The following PRRC1 variants were observed in gnomAD, a reference collection of about 807,000 sequenced individuals.
PRRC1 encodes protein PRRC1.
In PRRC1, 39 loss-of-function variants were observed where a neutral mutation model predicts 40.7. The observed-to-expected ratio is 0.96, with a 90% CI of 0.74 to 1.25. The LOEUF is 1.25. Ranked by LOEUF, PRRC1 falls within the 50% of genes most tolerant of loss-of-function variation. PRRC1 has a pLI of 0.00. For synonymous variants in PRRC1, 175 were observed against 193.3 expected, an observed-to-expected ratio of 0.91 and a Z score of 0.79; for missense variants, 573 against 548.3, an observed-to-expected ratio of 1.05 and a Z score of -0.45.
At chr5:127,547,797 G>A in intron 7 of PRRC1, 22 bp from the exon 8 acceptor site, 1 of 1,561,508 alleles carries the variant, frequency 6.4e-7, no homozygotes, top group Non-Finnish European at 8.8e-7. Context: ...TAAACCATTT[G>A]AAACTCGTAA....
chr5:127,553,503 A>T lies in PRRC1; in HGVS notation c.*1587A>T. 1 of 1,148,686 alleles carries T rather than the reference A, an allele frequency of 8.7e-7. No homozygotes were observed. Among genetic ancestry groups the T allele is most frequent in the Non-Finnish European group, 1.1e-6 (1 of 929,396 alleles). The allele number at this position is 1,148,686 out of a possible 1,614,324, so 71.2% of individuals were successfully genotyped here. On this transcript the variant is annotated 3_prime_UTR_variant, in exon 9 of 9. Transcript: ENST00000296666. ...TACTTTCTTTCTTTCCTTCAAGTAC[A>T]AGAAGGCTTTCTCTACCATTTGCGT...
In PRRC1 at chr5:127,553,537, T is replaced by C. The variant is rs1043685202; in HGVS notation, c.*1621T>C. 8.4e-7 allele frequency: 1 copy of C among 1,194,412 alleles called. No homozygotes were observed. The highest frequency in any genetic ancestry group is 5.6e-5 in the East Asian group (1 of 17,786). 74.0% of individuals were successfully genotyped at this position (1,194,412 alleles called of 1,614,324 possible). A position where few individuals can be genotyped will look rare whatever the true frequency, so the allele number is the denominator to read the frequency against. On this transcript the variant is annotated 3_prime_UTR_variant, in exon 9 of 9. Transcript: ENST00000296666. ...TTCTCTACCATTTGCGTCTACACTT[T>C]ATTTTAAAAGCTATCCTTTTCTAGT...
rs116449934 is a variant in PRRC1, at chr5:127,548,338, A to G, written c.1128+417A>G. ...CTCCTGTTCATCTTTAGTGAAATCA[A>G]CATTAGAAACCTTATAGGCACGTGT... On this transcript the variant is annotated intron_variant, in intron 8 of 8. Coordinates refer to ENST00000296666, the MANE Select transcript of PRRC1 (RefSeq NM_130809.5). The G allele has an allele frequency of 6.2e-3, 1,931 of 310,146 alleles. 50 individuals are homozygous for G. The highest frequency in any genetic ancestry group is 0.039 in the African/African-American group (1,802 of 46,176). The allele number at this position is 310,146 out of a possible 1,614,324, so 19.2% of individuals were successfully genotyped here.
chr5:127,529,603 A>G (rs233031), intron 4 of PRRC1, among the ~76,000 whole-genome samples: 48,336 of 151,974 alleles, frequency 0.32, 7,962 homozygotes, highest in East Asian at 0.55. Context: ...GTCAGATGCC[A>G]TCTCAGGAGG....
intron 5 of PRRC1, 152 bp from the exon 6 acceptor site, chr5:127,533,471 A>T: frequency 1.4e-6 from 1 of 718,760 alleles, no homozygotes; most frequent in Non-Finnish European, 2.2e-6. Flanking sequence ...CAGTTTTCTC[A>T]AGCATATAAA....
intron 6 of PRRC1, among the ~76,000 whole-genome samples, chr5:127,537,016 A>C (rs1767918153): frequency 6.6e-6 from 1 of 151,904 alleles, no homozygotes; most frequent in Non-Finnish European, 1.5e-5. Context: ...GTTACCTTTT[A>C]AAAATAGGAA....
intron 7 of PRRC1, among the ~76,000 whole-genome samples, chr5:127,543,172 C>A (rs534882564): frequency 6.6e-6 from 1 of 152,250 alleles, no homozygotes; most frequent in South Asian, 2.1e-4. Flanking sequence ...GTTGAAAATT[C>A]TTTTCTTTAA....
At chr5:127,523,058 C>T (rs1437222753) in intron 1 of PRRC1, among the ~76,000 whole-genome samples, 4 of 152,106 alleles carry the variant, frequency 2.6e-5, no homozygotes, top group South Asian at 2.1e-4. Context: ...AAATGCTTCC[C>T]GTCTTGGCCT....
At chr5:127,548,526 C>G (rs62376607) in intron 8 of PRRC1, 10,034 of 147,584 alleles carry the variant, frequency 0.068, 474 homozygotes, top group Non-Finnish European at 0.1. Context: ...TATATACTTG[C>G]ATTGGAATCT....
intron 3 of PRRC1, 36 bp downstream of exon 3, chr5:127,524,956 T>A: frequency 6.6e-7 from 1 of 1,513,146 alleles, no homozygotes; most frequent in South Asian, 1.3e-5. Context: ...ACATGGCTAT[T>A]AATTAATGTT....
intron 7 of PRRC1, among the ~76,000 whole-genome samples, chr5:127,543,979 CTG>C (rs148607273): frequency 0.32 from 47,686 of 151,182 alleles, 7,564 homozygotes; most frequent in East Asian, 0.54. Context: ...TTTTTCTGCT[CTG>C]TTTTTTCCCC....
chr5:127,544,359 C>G (rs975354843), intron 7 of PRRC1, among the ~76,000 whole-genome samples: 1 of 152,194 alleles, frequency 6.6e-6, no homozygotes, highest in Admixed American at 6.5e-5. Context: ...GCAGTCTGCC[C>G]GTTCTCAGAT....
chr5:127,531,663 C>T (rs1306635558), intron 5 of PRRC1, among the ~76,000 whole-genome samples: 4 of 122,762 alleles, frequency 3.3e-5, no homozygotes, highest in South Asian at 5.4e-4. Context: ...CACTCTGTCA[C>T]TCAGACTGGA....
intron 7 of PRRC1, among the ~76,000 whole-genome samples, chr5:127,542,305 A>G (rs1181264235): frequency 2.8e-4 from 43 of 152,114 alleles, no homozygotes; most frequent in Non-Finnish European, 4.1e-4. Flanking sequence ...TATGTGGTCA[A>G]TTTTGGAATA....
Position 127,523,611 on chromosome 5 carries a change from GT to G in PRRC1, c.103+33del, listed in dbSNP as rs767256198. Reference sequence around the variant, plus strand: ...CATGTAGTTGTCTAACATCTCGTGTGTTTTGAGAATAGTGAAGATACTATCA... The same window carrying G: ...CATGTAGTTGTCTAACATCTCGTGTGTTTGAGAATAGTGAAGATACTATCA... On this transcript the variant is annotated intron_variant, in intron 2 of 8. Transcript: ENST00000296666. 5.7e-6 allele frequency: 8 copies of G among 1,393,872 alleles called. No homozygotes were observed. The Admixed American group carries it at 6.3e-5, about 11-fold the overall frequency. The allele number at this position is 1,393,872 out of a possible 1,614,324, so 86.3% of individuals were successfully genotyped here.
intron 5 of PRRC1, among the ~76,000 whole-genome samples, chr5:127,532,828 C>A (rs916760386): frequency 6.6e-6 from 1 of 152,130 alleles, no homozygotes; most frequent in African/African-American, 2.4e-5. Flanking sequence ...CATGAAAAAT[C>A]TCTTTTGCCG....
Position 127,552,319 on chromosome 5 carries a change from G to A in PRRC1, c.*403G>A. On this transcript the variant is annotated 3_prime_UTR_variant, in exon 9 of 9. Transcript: ENST00000296666. ...GTTTATAAAAGCATGATTTGCTTTGGCTTCATCTCTTTTCTGTCAGTCTTT... is the reference window on the plus strand; with the variant it reads ...GTTTATAAAAGCATGATTTGCTTTGACTTCATCTCTTTTCTGTCAGTCTTT... The A allele has an allele frequency of 9.7e-7, 1 of 1,025,646 alleles. No homozygotes were observed. The highest frequency in any genetic ancestry group is 5.1e-5 in the Admixed American group (1 of 19,722). The allele number at this position is 1,025,646 out of a possible 1,614,324, so 63.5% of individuals were successfully genotyped here. A position where few individuals can be genotyped will look rare whatever the true frequency, so the allele number is the denominator to read the frequency against.
At chr5:127,539,781 A>G (rs948156249) in intron 7 of PRRC1, among the ~76,000 whole-genome samples, 1 of 152,108 alleles carries the variant, frequency 6.6e-6, no homozygotes, top group African/African-American at 2.4e-5. Flanking sequence ...GGCTTGTAAT[A>G]TGCAAAATAT....
chr5:127,554,523 A>G lies in PRRC1; in HGVS notation c.*2607A>G, dbSNP rs1561692093. 1 of 152,218 alleles carries G rather than the reference A, an allele frequency of 6.6e-6. No individual in the cohort carries two copies. Among genetic ancestry groups the G allele is most frequent in the Admixed American group, 6.5e-5 (1 of 15,288 alleles). The allele number at this position is 152,218 out of a possible 1,614,324, so 9.4% of individuals were successfully genotyped here. ...AATAATTTAATATCAACCTCAGTTG[A>G]CAAGGTGCTCAGATTATTCAATTCG... On this transcript the variant is annotated 3_prime_UTR_variant, in exon 9 of 9. Coordinates refer to ENST00000296666, the MANE Select transcript of PRRC1 (RefSeq NM_130809.5).
Sources: allele counts gnomAD v4.1 joint callset (sites outside exome capture counted in the v4.1 genomes callset), GRCh38; gene constraint gnomAD v4.1.1; transcripts MANE v1.5; gene names NCBI Gene and HGNC (gene_info 2026-07-23, HGNC 2026-07-21).